Variants in OPCML observed in about 807,000 individuals in gnomAD.
OPCML encodes opioid binding protein/cell adhesion molecule like.
OPCML carries 13 observed loss-of-function variants against 37.8 expected under a neutral mutation model. The observed-to-expected ratio is 0.34, with a 90% confidence interval of 0.22 to 0.55. The LOEUF (loss-of-function observed/expected upper bound fraction) is 0.55, where lower values mean the gene tolerates loss of function less well. Ranked by LOEUF, OPCML falls within the 20% of genes least tolerant of loss-of-function variation. The pLI is 0.91. For synonymous variants in OPCML, 176 were observed against 168.8 expected (o/e 1.04, Z -0.33); for missense variants, 341 against 435.6 (o/e 0.78, Z 1.93).
At chr11:132,907,832 T>C (rs1944297591) in intron 2 of OPCML, among the ~76,000 whole-genome samples, 1 of 152,152 alleles carries the variant, frequency 6.6e-6, no homozygotes, top group Non-Finnish European at 1.5e-5. Context: ...GTTAGTAGTT[T>C]ACACGGTTTC....
chr11:133,151,392 C>A (rs1332706233), intron 1 of OPCML, among the ~76,000 whole-genome samples: 1 of 151,828 alleles, frequency 6.6e-6, no homozygotes. Context: ...GGCTGGTTTG[C>A]CCTTTGGCTG....
intron 2 of OPCML, among the ~76,000 whole-genome samples, chr11:132,727,512 G>C (rs1288706309): frequency 2.0e-5 from 3 of 152,146 alleles, no homozygotes; most frequent in Admixed American, 2.0e-4. Flanking sequence ...TGCATAAACG[G>C]AAGCCCCAGC....
chr11:132,804,474 G>C (rs1194145360), intron 2 of OPCML, among the ~76,000 whole-genome samples: 15 of 152,168 alleles, frequency 9.9e-5, no homozygotes, highest in Non-Finnish European at 4.4e-5. Flanking sequence ...CAGTTTACCA[G>C]GTGGCAGCTG....
intron 1 of OPCML, among the ~76,000 whole-genome samples, chr11:133,435,014 GATA>G (rs1328686372): frequency 6.6e-6 from 1 of 151,794 alleles, no homozygotes; most frequent in African/African-American, 2.4e-5. Context: ...AAGTTCTCTG[GATA>G]GTGCAAAAAT....
chr11:133,496,186 C>T (rs1947782643), intron 1 of OPCML, among the ~76,000 whole-genome samples: 10 of 152,062 alleles, frequency 6.6e-5, no homozygotes, highest in Admixed American at 4.6e-4. Flanking sequence ...TTTTTGTTTG[C>T]TTTGTCAAAG....
At chr11:132,756,157 A>G (rs1294408510) in intron 2 of OPCML, among the ~76,000 whole-genome samples, 1 of 152,148 alleles carries the variant, frequency 6.6e-6, no homozygotes, top group Non-Finnish European at 1.5e-5. Context: ...AGTCAATTAA[A>G]TGCATGTTAT....
At chr11:132,636,144 T>C (rs755887487) in intron 3 of OPCML, among the ~76,000 whole-genome samples, 4 of 152,082 alleles carry the variant, frequency 2.6e-5, no homozygotes, top group Non-Finnish European at 5.9e-5. Context: ...TGTAAGTGCT[T>C]TTATTATTTT....
intron 1 of OPCML, among the ~76,000 whole-genome samples, chr11:133,161,209 T>C (rs952361649): frequency 6.6e-6 from 1 of 152,212 alleles, no homozygotes; most frequent in African/African-American, 2.4e-5. Context: ...TCCTGGCTGA[T>C]TGCAGTGACA....
At chr11:133,531,413 G>T (rs1007048298) in intron 1 of OPCML, among the ~76,000 whole-genome samples, 1 of 152,178 alleles carries the variant, frequency 6.6e-6, no homozygotes, top group African/African-American at 2.4e-5. Flanking sequence ...TGGGGAAGGG[G>T]CTGGGGAGAA....
At chr11:132,484,203 A>C (rs985278269) in intron 4 of OPCML, among the ~76,000 whole-genome samples, 1 of 152,188 alleles carries the variant, frequency 6.6e-6, no homozygotes, top group African/African-American at 2.4e-5. Flanking sequence ...TCTACAATGA[A>C]CTCCAACAAA....
chr11:133,022,484 G>GTT (rs111241420), intron 1 of OPCML, among the ~76,000 whole-genome samples: 4 of 144,434 alleles, frequency 2.8e-5, no homozygotes, highest in African/African-American at 7.6e-5. Context: ...CCCAATAGGT[G>GTT]TTTTTTTTTT....
At chr11:133,031,631 G>A (rs7932096) in intron 1 of OPCML, among the ~76,000 whole-genome samples, 231 of 115,360 alleles carry the variant, frequency 2.0e-3, no homozygotes, top group African/African-American at 5.9e-3. Context: ...TGGGTGGATG[G>A]ATGGGTGGAT....
At chr11:133,168,506 A>T (rs1950244905) in intron 1 of OPCML, among the ~76,000 whole-genome samples, 1 of 152,168 alleles carries the variant, frequency 6.6e-6, no homozygotes, top group African/African-American at 2.4e-5. Flanking sequence ...GGTGTCATGT[A>T]AAAAAAGAAA....
intron 1 of OPCML, among the ~76,000 whole-genome samples, chr11:133,140,667 A>AAAGAAG (rs1555102304): frequency 7.1e-6 from 1 of 140,024 alleles, no homozygotes; most frequent in Non-Finnish European, 1.5e-5. Flanking sequence ...AGAAAAGAAG[A>AAAGAAG]AAAGAAGAAA....
intron 7 of OPCML, among the ~76,000 whole-genome samples, chr11:132,422,729 C>G (rs115296501): frequency 1.3e-5 from 2 of 152,202 alleles, no homozygotes; most frequent in African/African-American, 4.8e-5. Context: ...GCTATGGCCA[C>G]GCAACTTATG....
At chr11:132,889,109 C>A (rs373753634) in intron 2 of OPCML, among the ~76,000 whole-genome samples, 5 of 152,312 alleles carry the variant, frequency 3.3e-5, no homozygotes, top group South Asian at 2.1e-4. Context: ...GTATAGAGAA[C>A]ATCTAACTGT....
intron 1 of OPCML, among the ~76,000 whole-genome samples, chr11:133,043,921 G>A (rs975415141): frequency 1.3e-5 from 2 of 152,112 alleles, no homozygotes; most frequent in South Asian, 4.1e-4. Flanking sequence ...AATACTTATT[G>A]GTGATCTTCC....
At chr11:132,703,713 G>A (rs181380937) in intron 2 of OPCML, among the ~76,000 whole-genome samples, 1 of 152,288 alleles carries the variant, frequency 6.6e-6, no homozygotes, top group East Asian at 1.9e-4. Flanking sequence ...GAGCATACCT[G>A]GAGCCTGTGT....
chr11:133,387,762 C>T (rs1017776188), intron 1 of OPCML, among the ~76,000 whole-genome samples: 10 of 152,196 alleles, frequency 6.6e-5, no homozygotes, highest in African/African-American at 2.4e-4. Flanking sequence ...GACTACAAAA[C>T]AAACACCTGA....
Sources: allele counts gnomAD v4.1 joint callset (sites outside exome capture counted in the v4.1 genomes callset), GRCh38; gene constraint gnomAD v4.1.1; transcripts MANE v1.5; gene names NCBI Gene and HGNC (gene_info 2026-07-23, HGNC 2026-07-21).